SOX5: variants seen among roughly 807,000 people sequenced by gnomAD.
SOX5 encodes transcription factor SOX-5.
Under a neutral mutation model 92.0 loss-of-function variants are expected in SOX5, and 9 were observed. The observed-to-expected ratio is 0.10, with a 90% CI of 0.06 to 0.17. The LOEUF is 0.17. Among genes scored for constraint, SOX5 ranks in the 10% least tolerant of loss-of-function variants. SOX5 has a pLI of 1.00. For missense variants in SOX5, 642 were observed against 944.5 expected (o/e 0.68, Z 4.20); for synonymous variants, 344 against 336.3 (o/e 1.02, Z -0.25).
chr12:24,285,408 T>A (rs774737557), intron 2 of SOX5, among the ~76,000 whole-genome samples: 3 of 152,154 alleles, frequency 2.0e-5, no homozygotes, highest in African/African-American at 2.4e-5. Context: ...TCATGTACAA[T>A]CTATTTTACA....
intron 1 of SOX5, among the ~76,000 whole-genome samples, chr12:24,375,717 C>T (rs1596053742): frequency 9.1e-6 from 1 of 109,648 alleles, no homozygotes; most frequent in African/African-American, 3.6e-5. Flanking sequence ...GCCTAGGCAA[C>T]AAGAGTGAAA....
chr12:23,642,815 C>T (rs543028298), intron 7 of SOX5, among the ~76,000 whole-genome samples: 9 of 111,242 alleles, frequency 8.1e-5, no homozygotes, highest in Non-Finnish European at 1.8e-4. Context: ...GGGCCGGGCG[C>T]GGTGGCTCAC....
At chr12:23,778,418 C>A (rs2095174793) in intron 3 of SOX5, among the ~76,000 whole-genome samples, 1 of 152,072 alleles carries the variant, frequency 6.6e-6, no homozygotes, top group Admixed American at 6.6e-5. Context: ...ACAATATCAT[C>A]CTAAGCAGGT....
chr12:24,029,172 T>C (rs1226831407), intron 4 of SOX5, among the ~76,000 whole-genome samples: 1 of 152,026 alleles, frequency 6.6e-6, no homozygotes, highest in Non-Finnish European at 1.5e-5. Context: ...TTGACTGTAG[T>C]TCCTTTTAAA....
intron 3 of SOX5, among the ~76,000 whole-genome samples, chr12:24,235,472 A>G (rs946004434): frequency 6.6e-6 from 1 of 152,196 alleles, no homozygotes; most frequent in Non-Finnish European, 1.5e-5. Context: ...GAAAACTCAT[A>G]AAACAAAATA....
intron 1 of SOX5, among the ~76,000 whole-genome samples, chr12:24,461,608 A>G (rs1476598106): frequency 6.6e-6 from 1 of 152,098 alleles, no homozygotes; most frequent in Non-Finnish European, 1.5e-5. Context: ...GCCACATATT[A>G]TTATCTTTTT....
chr12:24,367,666 AG>A (rs1267616975), intron 2 of SOX5, among the ~76,000 whole-genome samples: 1 of 152,170 alleles, frequency 6.6e-6, no homozygotes, highest in African/African-American at 2.4e-5. Flanking sequence ...TGCCAAGAAA[AG>A]AGACATGTTC....
At chr12:23,661,991 G>C (rs2083117364) in intron 7 of SOX5, among the ~76,000 whole-genome samples, 1 of 152,094 alleles carries the variant, frequency 6.6e-6, no homozygotes. Context: ...AGTTTTAATA[G>C]AACTGAGAAG....
intron 2 of SOX5, among the ~76,000 whole-genome samples, chr12:24,292,020 G>A (rs1946674040): frequency 6.6e-6 from 1 of 152,234 alleles, no homozygotes; most frequent in African/African-American, 2.4e-5. Flanking sequence ...CTCTTACAGA[G>A]CACTTGCTCT....
chr12:23,807,246 G>A (rs1720957927), intron 3 of SOX5, among the ~76,000 whole-genome samples: 2 of 152,154 alleles, frequency 1.3e-5, no homozygotes, highest in Non-Finnish European at 1.5e-5. Context: ...GGTTCGATCT[G>A]TGTCCCTCGA....
chr12:23,720,455 A>G (rs546946687), intron 6 of SOX5, among the ~76,000 whole-genome samples: 125 of 152,328 alleles, frequency 8.2e-4, no homozygotes, highest in South Asian at 1.2e-3. Context: ...TTGTCAAAAG[A>G]GCACTTTTCT....
chr12:24,402,474 A>G (rs1397449943), intron 1 of SOX5, among the ~76,000 whole-genome samples: 2 of 152,122 alleles, frequency 1.3e-5, no homozygotes, highest in Admixed American at 1.3e-4. Flanking sequence ...CCTCTTTTGT[A>G]TCTTTTTCTT....
intron 10 of SOX5, among the ~76,000 whole-genome samples, chr12:23,566,468 T>A (rs1300313926): frequency 3.3e-5 from 5 of 152,174 alleles, no homozygotes; most frequent in African/African-American, 1.2e-4. Context: ...TGAATCTCAT[T>A]TTAGCATTGT....
intron 2 of SOX5, among the ~76,000 whole-genome samples, chr12:23,895,225 A>C (rs904064634): frequency 3.3e-5 from 5 of 151,810 alleles, no homozygotes; most frequent in African/African-American, 9.7e-5. Flanking sequence ...AAAAAAAAAA[A>C]AAATTACCGA....
intron 4 of SOX5, among the ~76,000 whole-genome samples, chr12:24,190,088 A>C: frequency 6.6e-6 from 1 of 152,242 alleles, no homozygotes; most frequent in East Asian, 1.9e-4. Flanking sequence ...CCAGTTACAA[A>C]TTTGTGCTTA....
chr12:24,313,795 T>G (rs1432399899), intron 2 of SOX5, among the ~76,000 whole-genome samples: 1 of 152,252 alleles, frequency 6.6e-6, no homozygotes, highest in African/African-American at 2.4e-5. Context: ...ATATTTATTT[T>G]TAGCCCACGC....
intron 2 of SOX5, among the ~76,000 whole-genome samples, chr12:23,857,760 T>G (rs942100216): frequency 5.4e-5 from 8 of 146,878 alleles, no homozygotes; most frequent in Middle Eastern, 3.5e-3. Flanking sequence ...TGAGGTGGAG[T>G]CTTGCTCTGT....
At chr12:24,050,656 C>T (rs772810899) in intron 4 of SOX5, among the ~76,000 whole-genome samples, 14 of 152,054 alleles carry the variant, frequency 9.2e-5, no homozygotes, top group South Asian at 6.2e-4. Context: ...CAGAGAGGTA[C>T]AGTTCTTTAA....
At chr12:23,842,219 C>A (rs147829011) in intron 3 of SOX5, among the ~76,000 whole-genome samples, 1 of 152,170 alleles carries the variant, frequency 6.6e-6, no homozygotes, top group Non-Finnish European at 1.5e-5. Flanking sequence ...TTCTGATACT[C>A]TTCTACATGT....
Sources: gnomAD v4.1 joint callset for allele counts (sites outside exome capture counted in the v4.1 genomes callset) on GRCh38, gnomAD v4.1.1 for gene constraint, MANE v1.5 for transcripts, NCBI Gene and HGNC (gene_info 2026-07-23, HGNC 2026-07-21) for gene names.